Variants in ZNF385D observed in about 807,000 individuals in gnomAD.
The protein encoded by ZNF385D is zinc finger protein 659.
Under a neutral mutation model 35.8 loss-of-function variants are expected in ZNF385D, and 15 were observed. The ratio of observed to expected loss-of-function variants is 0.42; its 90% CI spans 0.28 to 0.64. ZNF385D has a LOEUF of 0.64. ZNF385D is among the 30% of genes least tolerant of loss of function. The probability of loss-of-function intolerance (pLI) is 0.23; values close to 1 mark genes in which losing one functional copy is unlikely to be tolerated. For missense variants in ZNF385D, 474 were observed against 494.6 expected, an observed-to-expected ratio of 0.96 and a Z score of 0.39; for synonymous variants, 212 against 186.8, an observed-to-expected ratio of 1.13 and a Z score of -1.10.
intron 3 of ZNF385D, among the ~76,000 whole-genome samples, chr3:22,065,983 G>A (rs1201691879): frequency 1.8e-4 from 28 of 152,010 alleles, no homozygotes; most frequent in Admixed American, 1.8e-3. Context: ...ACCACCTAAG[G>A]ATTATTTATT....
At chr3:21,871,835 G>A (rs540581804) in intron 3 of ZNF385D, among the ~76,000 whole-genome samples, 7 of 151,886 alleles carry the variant, frequency 4.6e-5, no homozygotes, top group South Asian at 2.1e-4. Context: ...ATGAAACCCC[G>A]TCTCTACTAA....
chr3:22,290,457 A>C (rs2125396419), intron 2 of ZNF385D, among the ~76,000 whole-genome samples: 1 of 152,264 alleles, frequency 6.6e-6, no homozygotes, highest in Non-Finnish European at 1.5e-5. Flanking sequence ...GGGTTGGAGA[A>C]GAAGCTGGGA....
chr3:21,719,532 A>C (rs541624224), intron 1 of ZNF385D, among the ~76,000 whole-genome samples: 3 of 152,208 alleles, frequency 2.0e-5, no homozygotes, highest in Non-Finnish European at 4.4e-5. Context: ...TCCTTTGCTC[A>C]TTTTAATAGT....
intron 3 of ZNF385D, among the ~76,000 whole-genome samples, chr3:22,064,857 G>C (rs1232815135): frequency 3.3e-5 from 5 of 152,154 alleles, no homozygotes; most frequent in Admixed American, 3.3e-4. Context: ...AATCTTTAGT[G>C]ATCTATTGCA....
At chr3:22,371,484 T>C (rs1352088872) in intron 2 of ZNF385D, among the ~76,000 whole-genome samples, 1 of 152,150 alleles carries the variant, frequency 6.6e-6, no homozygotes, top group African/African-American at 2.4e-5. Context: ...CATCACTCGT[T>C]TGAAATCACA....
Position 22,178,295 on chromosome 3 carries a change from C to T in ZNF385D, c.107-9260G>A, listed in dbSNP as rs371861929. ...TGCCATTCTAACTGGTGTGAGATGG[C>T]ATCTCATTGTGGTTTTGATTTGCAT... On this transcript the variant is annotated intron_variant, in intron 2 of 5. Coordinates refer to the ZNF385D transcript ENST00000494108. Among the ~76,000 whole-genome samples, 9 of 152,122 alleles carry T rather than the reference C, an allele frequency of 5.9e-5. No individual in the cohort carries two copies. The South Asian group carries it at 1.0e-3, about 18-fold the overall frequency.
intron 2 of ZNF385D, among the ~76,000 whole-genome samples, chr3:21,659,875 T>G (rs1460357738): frequency 1.3e-5 from 2 of 152,074 alleles, no homozygotes; most frequent in Non-Finnish European, 2.9e-5. Flanking sequence ...GTTCAAAATC[T>G]CAGGCCCCTC....
In ZNF385D at chr3:21,652,116, A is replaced by G. The variant is rs117467846; in HGVS notation, c.165+12770T>C. ...GTATAAACGTTTAAAGTAAATTATA[A>G]TGTCTTTAATAGGTAAATTTAAATT... is the stretch of plus-strand genomic sequence containing the variant. On this transcript the variant is annotated intron_variant, in intron 2 of 7. Transcript: ENST00000281523. 1.8e-4 allele frequency among the ~76,000 whole-genome samples: 27 copies of G among 152,350 alleles called. No homozygotes were observed. The East Asian group carries it at 5.0e-3, about 28-fold the overall frequency.
At chr3:22,018,486 C>A (rs977987731) in intron 3 of ZNF385D, among the ~76,000 whole-genome samples, 2 of 151,888 alleles carry the variant, frequency 1.3e-5, no homozygotes, top group African/African-American at 4.8e-5. Context: ...GTTCAGCTTA[C>A]CTGACTTTTA....
At chr3:21,925,936 A>C (rs1390874099) in intron 3 of ZNF385D, among the ~76,000 whole-genome samples, 6 of 152,160 alleles carry the variant, frequency 3.9e-5, no homozygotes, top group African/African-American at 1.4e-4. Context: ...AGCTATTACT[A>C]TGTAACTATC....
intron 3 of ZNF385D, among the ~76,000 whole-genome samples, chr3:22,143,088 T>A (rs974375238): frequency 6.7e-6 from 1 of 150,156 alleles, no homozygotes; most frequent in Non-Finnish European, 1.5e-5. Context: ...TGTGTGTGTG[T>A]GTGTGTGTGT....
intron 2 of ZNF385D, chr3:21,579,443 A>ATTCTAAAATATGTTCTTCTGACT (rs1319799661): frequency 2.0e-5 from 3 of 151,792 alleles, no homozygotes; most frequent in Non-Finnish European, 2.9e-5. Context: ...ATTTTCTCTT[A>ATTCTAAAATATGTTCTTCTGACT]TTCTAAAATA....
chr3:21,692,655 A>G (rs2067320416), intron 1 of ZNF385D, among the ~76,000 whole-genome samples: 1 of 152,198 alleles, frequency 6.6e-6, no homozygotes, highest in Non-Finnish European at 1.5e-5. Flanking sequence ...GCAGAATGCC[A>G]CAAGCACGCA....
intron 3 of ZNF385D, among the ~76,000 whole-genome samples, chr3:22,122,712 G>C (rs1222830784): frequency 6.6e-6 from 1 of 152,244 alleles, no homozygotes; most frequent in East Asian, 1.9e-4. Flanking sequence ...TTTGGATATG[G>C]AAAGTACCAA....
Position 22,008,444 on chromosome 3 carries a change from C to T in ZNF385D, c.325+160373G>A, listed in dbSNP as rs190739726. On this transcript the variant is annotated intron_variant, in intron 3 of 5. Coordinates refer to the ZNF385D transcript ENST00000494108. ...CTCGGCTCACTGCAGGCTCCGCCCC[C>T]CGGAGTTCACAACATTCTCCTGCCT... 2.7e-4 allele frequency among the ~76,000 whole-genome samples: 41 copies of T among 150,462 alleles called. No individual in the cohort carries two copies. In the East Asian group the frequency reaches 8.0e-3, roughly 29 times the overall value.
At chr3:21,423,073 T>G (rs1418628431) in intron 7 of ZNF385D, among the ~76,000 whole-genome samples, 1 of 152,144 alleles carries the variant, frequency 6.6e-6, no homozygotes, top group East Asian at 1.9e-4. Flanking sequence ...AAAATGATCC[T>G]ATATCTAGAA....
At chr3:21,851,230 C>G (rs1028302425) in intron 3 of ZNF385D, among the ~76,000 whole-genome samples, 2 of 151,956 alleles carry the variant, frequency 1.3e-5, no homozygotes, top group Non-Finnish European at 2.9e-5. Flanking sequence ...GATAGCTGAT[C>G]AGGCATTACA....
intron 2 of ZNF385D, among the ~76,000 whole-genome samples, chr3:21,651,890 T>C (rs985516848): frequency 6.6e-6 from 1 of 152,146 alleles, no homozygotes; most frequent in Non-Finnish European, 1.5e-5. Flanking sequence ...GTAAATAAAA[T>C]CTACCACTTC....
chr3:22,186,016 A>C (rs1026172634), intron 2 of ZNF385D, among the ~76,000 whole-genome samples: 9 of 152,180 alleles, frequency 5.9e-5, no homozygotes, highest in African/African-American at 1.9e-4. Context: ...ATAATATTTT[A>C]CTAAAATTGT....
Sources: gnomAD v4.1 joint callset for allele counts (sites outside exome capture counted in the v4.1 genomes callset) on GRCh38, gnomAD v4.1.1 for gene constraint, MANE v1.5 for transcripts, NCBI Gene and HGNC (gene_info 2026-07-23, HGNC 2026-07-21) for gene names.